The following RNF13 variants were observed in gnomAD, a reference collection of about 807,000 sequenced individuals.
RNF13 encodes ring finger protein 13.
Under a neutral mutation model 37.7 loss-of-function variants are expected in RNF13, and 19 were observed. The observed-to-expected ratio is 0.50, with a 90% CI of 0.35 to 0.74. RNF13 has a LOEUF of 0.74. Among genes scored for constraint, RNF13 ranks in the 30% least tolerant of loss-of-function variants. RNF13 has a pLI of 0.01. For synonymous variants in RNF13, 144 were observed against 157.8 expected, an observed-to-expected ratio of 0.91 and a Z score of 0.65; for missense variants, 375 against 453.0, an observed-to-expected ratio of 0.83 and a Z score of 1.56.
At chr3:149,824,079 T>A in intron 1 of RNF13, among the ~76,000 whole-genome samples, 1 of 152,174 alleles carries the variant, frequency 6.6e-6, no homozygotes. Context: ...AAAAGCTAGC[T>A]TGAATAAGCC....
intron 3 of RNF13, among the ~76,000 whole-genome samples, chr3:149,859,794 C>T (rs1459415858): frequency 1.3e-5 from 2 of 152,086 alleles, no homozygotes; most frequent in Non-Finnish European, 2.9e-5. Context: ...AATGACCATA[C>T]TGCCTAAAGC....
At chr3:149,842,211 C>T (rs952480687) in intron 1 of RNF13, among the ~76,000 whole-genome samples, 2 of 152,046 alleles carry the variant, frequency 1.3e-5, no homozygotes, top group Non-Finnish European at 2.9e-5. Context: ...TCTCTTTTTG[C>T]CTTGTGTGGA....
At chr3:149,880,019 C>T (rs2108458894) in intron 4 of RNF13, among the ~76,000 whole-genome samples, 1 of 152,270 alleles carries the variant, frequency 6.6e-6, no homozygotes, top group South Asian at 2.1e-4. Context: ...ACAGTGCCTA[C>T]AATACCAGAA....
At chr3:149,884,195 T>C (rs1713751431) in intron 4 of RNF13, among the ~76,000 whole-genome samples, 1 of 152,170 alleles carries the variant, frequency 6.6e-6, no homozygotes, top group Non-Finnish European at 1.5e-5. Context: ...TGTATTGTCA[T>C]ATGTCTTGGT....
chr3:149,848,624 C>T (rs565888184), intron 2 of RNF13, among the ~76,000 whole-genome samples: 1 of 152,288 alleles, frequency 6.6e-6, no homozygotes, highest in South Asian at 2.1e-4. Flanking sequence ...GTTCCATTTG[C>T]ACAGGGCTTG....
chr3:149,878,256 G>A (rs1224980648), intron 4 of RNF13, among the ~76,000 whole-genome samples: 1 of 152,076 alleles, frequency 6.6e-6, no homozygotes, highest in Non-Finnish European at 1.5e-5. Context: ...TTAAAATCAA[G>A]ATATTCAGAT....
At chr3:149,947,695 T>C (rs1169254866) in intron 8 of RNF13, among the ~76,000 whole-genome samples, 1 of 152,164 alleles carries the variant, frequency 6.6e-6, no homozygotes, top group Non-Finnish European at 1.5e-5. Context: ...CCACCGCACC[T>C]GGCCATCTTC....
intron 1 of RNF13, among the ~76,000 whole-genome samples, chr3:149,836,260 A>G (rs1364407725): frequency 1.3e-5 from 2 of 152,094 alleles, no homozygotes; most frequent in Non-Finnish European, 2.9e-5. Context: ...GCAAAAAACC[A>G]AGCAACCCAA....
At chr3:149,893,136 A>G (rs1287140368) in intron 4 of RNF13, among the ~76,000 whole-genome samples, 5 of 152,188 alleles carry the variant, frequency 3.3e-5, no homozygotes, top group Admixed American at 2.0e-4. Context: ...TGTGCCTAGT[A>G]TGGATACAGT....
At chr3:149,943,661 C>T (rs1345860375) in intron 8 of RNF13, among the ~76,000 whole-genome samples, 2 of 152,096 alleles carry the variant, frequency 1.3e-5, no homozygotes, top group African/African-American at 2.4e-5. Context: ...CCTAGCAATC[C>T]TCTGTGTTCT....
At chr3:149,929,323 C>T (rs1292294284) in intron 8 of RNF13, among the ~76,000 whole-genome samples, 2 of 152,088 alleles carry the variant, frequency 1.3e-5, no homozygotes, top group Non-Finnish European at 2.9e-5. Context: ...CATCAGATCT[C>T]GTGAGACTCA....
At chr3:149,943,265 T>C (rs969826189) in intron 8 of RNF13, among the ~76,000 whole-genome samples, 1 of 151,834 alleles carries the variant, frequency 6.6e-6, no homozygotes, top group Non-Finnish European at 1.5e-5. Context: ...CAGTTTTAGG[T>C]TCACAGCAAA....
At position 149,961,863 on chromosome 3, in the gene RNF13, T is replaced by C. The variant is rs915691074; in HGVS notation, c.*759T>C. On this transcript the variant is annotated 3_prime_UTR_variant, in exon 10 of 10. Transcript: ENST00000392894. ...AGCAACTGTTAATACTCAGATCATA[T>C]ACCTCTTAATAAATAGCATCTTATG... The C allele has an allele frequency of 8.5e-5, 13 of 153,002 alleles. No individual in the cohort carries two copies. Among genetic ancestry groups the C allele is most frequent in the African/African-American group, 3.1e-4 (13 of 41,472 alleles). The allele number at this position is 153,002 out of a possible 1,614,324, so 9.5% of individuals were successfully genotyped here.
intron 3 of RNF13, among the ~76,000 whole-genome samples, chr3:149,855,622 G>T (rs1394275734): frequency 6.6e-6 from 1 of 150,804 alleles, no homozygotes; most frequent in Non-Finnish European, 1.5e-5. Context: ...ATATGTGTGT[G>T]TATATATATA....
At chr3:149,920,653 C>A (rs931063752) in intron 7 of RNF13, among the ~76,000 whole-genome samples, 1 of 152,022 alleles carries the variant, frequency 6.6e-6, no homozygotes, top group Non-Finnish European at 1.5e-5. Context: ...ATATTTTGTA[C>A]ATTTTATCCG....
In RNF13 at chr3:149,888,778, T is replaced by C. The variant is rs951474239; in HGVS notation, c.322-6695T>C. 4.6e-5 allele frequency among the ~76,000 whole-genome samples: 7 copies of C among 152,218 alleles called. No homozygotes were observed. In the East Asian group the frequency reaches 1.3e-3, roughly 29 times the overall value. ...CTTGCAGGTGTGTAGCCTGGACATA[T>C]ACACATGTCTGCTTATTTGCAACAT... On this transcript the variant is annotated intron_variant, in intron 4 of 9. Coordinates refer to ENST00000392894, the MANE Select transcript of RNF13 (RefSeq NM_183381.3).
intron 8 of RNF13, among the ~76,000 whole-genome samples, chr3:149,930,478 T>G (rs1719059779): frequency 6.6e-6 from 1 of 152,234 alleles, no homozygotes; most frequent in Admixed American, 6.5e-5. Flanking sequence ...AATATTTTGT[T>G]TAGGATTTAT....
chr3:149,845,903 G>A (rs1421340645), intron 1 of RNF13, 108 bp from the exon 2 acceptor site: 3 of 583,656 alleles, frequency 5.1e-6, no homozygotes, highest in Non-Finnish European at 9.1e-6. Context: ...GTTAATACAT[G>A]TTTATAATTA....
At chr3:149,874,758 T>G (rs1391861556) in intron 4 of RNF13, among the ~76,000 whole-genome samples, 1 of 152,034 alleles carries the variant, frequency 6.6e-6, no homozygotes, top group African/African-American at 2.4e-5. Context: ...TAGTAAGAAT[T>G]ATGGATCACC....
Sources: gnomAD v4.1 joint callset for allele counts (sites outside exome capture counted in the v4.1 genomes callset) on GRCh38, gnomAD v4.1.1 for gene constraint, MANE v1.5 for transcripts, NCBI Gene and HGNC (gene_info 2026-07-23, HGNC 2026-07-21) for gene names.